IFT140: variants seen among roughly 807,000 people sequenced by gnomAD.
IFT140 encodes intraflagellar transport protein 140 homolog.
In IFT140, 133 loss-of-function variants were observed where a neutral mutation model predicts 164.6. The ratio of observed to expected loss-of-function variants is 0.81; its 90% CI spans 0.70 to 0.93. The LOEUF (loss-of-function observed/expected upper bound fraction) is 0.93, where lower values mean the gene tolerates loss of function less well. Among genes scored for constraint, IFT140 ranks in the 40% least tolerant of loss-of-function variants. The pLI is 0.00. For missense variants in IFT140, 2,045 were observed against 1,972.3 expected (o/e 1.04, Z -0.70); for synonymous variants, 860 against 817.3 (o/e 1.05, Z -0.89).
rs1359247530 is a variant in IFT140, at chr16:1,566,286, G to T, written c.1776C>A (p.Asp592Glu). The T allele has an allele frequency of 1.9e-6, 3 of 1,613,238 alleles. No homozygotes were observed. Among genetic ancestry groups the T allele is most frequent in the Non-Finnish European group, 2.5e-6 (3 of 1,179,330 alleles). The change falls in exon 16 of 31, where the codon GAC becomes GAA. Residue 592 changes from aspartate (D) to glutamate (E), a missense_variant. By Grantham distance (45) the Asp-to-Glu change is conservative. Coordinates refer to ENST00000426508, the MANE Select transcript of IFT140 (RefSeq NM_014714.4). The part of the protein sequence containing the change: ...STISILPSKA[D>E]NSPDSKICFY... ...AGCAGATTTTGGAATCAGGGCTGTT[G>T]TCAGCCTAGGAGAAGAGAAAACCAG...
At chr16:1,565,497 G>A (rs1009496585) in intron 16 of IFT140, among the ~76,000 whole-genome samples, 3 of 152,096 alleles carry the variant, frequency 2.0e-5, no homozygotes, top group African/African-American at 7.2e-5. Context: ...TGGTGGTCAA[G>A]TAATGGAGGA....
intron 30 of IFT140, 83 bp downstream of exon 30, chr16:1,518,133 C>G (rs2040415992): frequency 1.4e-6 from 2 of 1,409,028 alleles, no homozygotes; most frequent in Admixed American, 1.9e-5. Context: ...CCGCCACACA[C>G]AGCCTCAGTT....
At chr16:1,544,853 T>C (rs1435716670) in intron 19 of IFT140, among the ~76,000 whole-genome samples, 1 of 151,866 alleles carries the variant, frequency 6.6e-6, no homozygotes, top group Non-Finnish European at 1.5e-5. Flanking sequence ...TTTCACCGTG[T>C]TAGCCAGGAT....
Position 1,571,332 on chromosome 16 carries a change from T to C in IFT140, c.1652+75A>G, listed in dbSNP as rs118054577. ...CCTAAGGAGTCTTCTGGCTTCTAAC[T>C]CACTTTCTACCCATCACACTGTCTC... On this transcript the variant is annotated intron_variant, in intron 14 of 30. Transcript: ENST00000426508. 4.0e-4 allele frequency: 574 copies of C among 1,443,574 alleles called. 6 individuals are homozygous for C. In the East Asian group the frequency reaches 0.012, roughly 30 times the overall value. 89.4% of individuals were successfully genotyped at this position (1,443,574 alleles called of 1,614,324 possible). A position where few individuals can be genotyped will look rare whatever the true frequency, so the allele number is the denominator to read the frequency against.
At chr16:1,587,574 G>C (rs2034953152) in intron 8 of IFT140, among the ~76,000 whole-genome samples, 1 of 152,202 alleles carries the variant, frequency 6.6e-6, no homozygotes, top group Non-Finnish European at 1.5e-5. Flanking sequence ...CAGAGCACGA[G>C]ATGGCCCCGG....
intron 29 of IFT140, 90 bp downstream of exon 29, chr16:1,519,791 G>A (rs2040463300): frequency 4.7e-6 from 6 of 1,272,682 alleles, no homozygotes; most frequent in Non-Finnish European, 4.2e-6. Context: ...CTGCTGTCCT[G>A]CCCTTTTGCT....
At chr16:1,520,546 GC>G (rs1220796505) in intron 27 of IFT140, 55 bp downstream of exon 27, 2 of 1,497,600 alleles carry the variant, frequency 1.3e-6, no homozygotes, top group East Asian at 4.9e-5. Context: ...CGTGCAGGGG[GC>G]CCGCAGCCTA....
At chr16:1,524,030 G>C in intron 24 of IFT140, 74 bp from the exon 25 acceptor site, 1 of 1,559,148 alleles carries the variant, frequency 6.4e-7, no homozygotes, top group Non-Finnish European at 8.6e-7. Flanking sequence ...CTGGAATGTG[G>C]CCGGGTGCGA....
rs1389655081 is a variant in IFT140 at position 1,587,292 on chromosome 16, T to G, written c.915A>C (p.Ile305=). ...TCAGTATATAATTCTCTCCTCGTTCTATGTCCCAGAATCTACAACAGAAGA... is the reference window on the plus strand; with the variant it reads ...TCAGTATATAATTCTCTCCTCGTTCGATGTCCCAGAATCTACAACAGAAGA... The part of the protein sequence containing the change: ...VGEAALRFWD[I]ERGENYILSP... The change falls in exon 9 of 31, where the codon ATA becomes ATC. Residue 305 remains isoleucine, a synonymous_variant. Coordinates refer to ENST00000426508, the MANE Select transcript of IFT140 (RefSeq NM_014714.4). 1.2e-6 allele frequency: 2 copies of G among 1,609,648 alleles called. No individual in the cohort carries two copies. Among genetic ancestry groups the G allele is most frequent in the African/African-American group, 1.3e-5 (1 of 74,858 alleles).
intron 15 of IFT140, among the ~76,000 whole-genome samples, 194 bp downstream of exon 15, chr16:1,568,023 C>A (rs1048907464): frequency 8.5e-5 from 13 of 152,064 alleles, no homozygotes; most frequent in African/African-American, 2.9e-4. Context: ...TGGGTGAGGA[C>A]CATGCTGGGG....
chr16:1,554,960 C>T, intron 19 of IFT140: 1 of 1,614,064 alleles, frequency 6.2e-7, no homozygotes, highest in South Asian at 1.1e-5. Context: ...TGATTGTCAT[C>T]AGCCGCTCCC....
intron 19 of IFT140, chr16:1,554,828 A>T: frequency 6.2e-7 from 1 of 1,614,172 alleles, no homozygotes; most frequent in Non-Finnish European, 8.5e-7. Flanking sequence ...GAATTGGCCC[A>T]TACACCAACC....
intron 17 of IFT140, 104 bp downstream of exon 17, chr16:1,563,892 GC>G: frequency 8.0e-7 from 1 of 1,247,162 alleles, no homozygotes; most frequent in Non-Finnish European, 1.1e-6. Flanking sequence ...CTCCCACAGT[GC>G]CGGGATCACA....
At chr16:1,603,102 A>G (rs562508253) in intron 3 of IFT140, among the ~76,000 whole-genome samples, 3 of 152,332 alleles carry the variant, frequency 2.0e-5, no homozygotes, top group African/African-American at 7.2e-5. Flanking sequence ...CTACCAAAGC[A>G]GAAGGTAACT....
chr16:1,558,416 T>C (rs2033223375), intron 18 of IFT140, among the ~76,000 whole-genome samples: 4 of 152,236 alleles, frequency 2.6e-5, no homozygotes. Flanking sequence ...AACAGGAGCA[T>C]GATTTCAGGT....
intron 17 of IFT140, among the ~76,000 whole-genome samples, chr16:1,562,549 G>A (rs1299426578): frequency 6.6e-6 from 1 of 152,136 alleles, no homozygotes; most frequent in African/African-American, 2.4e-5. Flanking sequence ...TGAGGTGGGC[G>A]GATCACGAGG....
Position 1,584,213 on chromosome 16 carries a change from TCACC to T in IFT140, c.1359_1359+3del, listed in dbSNP as rs748344240. On this transcript the variant is annotated splice_donor_variant and splice_donor_region_variant and coding_sequence_variant and intron_variant, in exon 11 of 31. Transcript: ENST00000426508. LOFTEE classifies it high-confidence loss of function. Reference sequence around the variant, plus strand: ...TCCCACCCACGGGTCCCCTCGGCAGTCACCTTGGTGGCAAACACTCCACTGATGT... The same window carrying T: ...TCCCACCCACGGGTCCCCTCGGCAGTTTGGTGGCAAACACTCCACTGATGT... 1.2e-6 allele frequency: 2 copies of T among 1,612,094 alleles called. No homozygotes were observed. The highest frequency in any genetic ancestry group is 3.3e-5 in the Admixed American group (2 of 59,918).
chr16:1,600,209 A>T (rs1437456293), intron 4 of IFT140, among the ~76,000 whole-genome samples: 5 of 146,000 alleles, frequency 3.4e-5, no homozygotes, highest in African/African-American at 1.3e-4. Flanking sequence ...TGAATGGATT[A>T]AGGGCGGTGC....
Position 1,592,177 on chromosome 16 carries a change from G to A in IFT140, c.633C>T (p.Asp211=), listed in dbSNP as rs201319525. ...EGLLFFVSLM[D]GTVHYVDEKG... is the part of the protein sequence containing the mutation. Reference sequence around the variant, plus strand: ...AGAATCACAACCAAAGTTCCTCACCGTCCATCAGACTGACAAAGAACAACA... The same window carrying A: ...AGAATCACAACCAAAGTTCCTCACCATCCATCAGACTGACAAAGAACAACA... Residue 211 remains aspartate (D), a splice_region_variant and synonymous_variant, in exon 6 of 31, where the codon GAC becomes GAT. Transcript: ENST00000426508. 45 of 1,613,880 alleles carry A rather than the reference G, an allele frequency of 2.8e-5. No homozygotes were observed. Among genetic ancestry groups the A allele is most frequent in the African/African-American group, 1.2e-4 (9 of 74,892 alleles).
Sources: allele counts gnomAD v4.1 joint callset (sites outside exome capture counted in the v4.1 genomes callset), GRCh38; gene constraint gnomAD v4.1.1; transcripts MANE v1.5; gene names NCBI Gene and HGNC (gene_info 2026-07-23, HGNC 2026-07-21).